FAM81A: variants seen among roughly 807,000 people sequenced by gnomAD.
FAM81A encodes the protein family with sequence similarity 81 member A.
Under a neutral mutation model 46.7 loss-of-function variants are expected in FAM81A, and 19 were observed. The ratio of observed to expected loss-of-function variants is 0.41; its 90% CI spans 0.28 to 0.60. FAM81A has a LOEUF of 0.60. Ranked by LOEUF, FAM81A falls within the 20% of genes least tolerant of loss-of-function variation. The pLI is 0.34. For synonymous variants in FAM81A, 183 were observed against 152.9 expected (o/e 1.20, Z -1.45); for missense variants, 377 against 453.5 (o/e 0.83, Z 1.53).
chr15:59,428,915 G>C (rs2081207785), intron 2 of FAM81A, among the ~76,000 whole-genome samples: 1 of 152,122 alleles, frequency 6.6e-6, no homozygotes, highest in Admixed American at 6.6e-5. Context: ...ACAGGCGTGA[G>C]CCACCACACC....
Position 59,505,695 on chromosome 15 carries a change from G to C in FAM81A, c.414-1518G>C, listed in dbSNP as rs921982225. 3.3e-5 allele frequency among the ~76,000 whole-genome samples: 5 copies of C among 152,090 alleles called. No homozygotes were observed. The East Asian group carries it at 7.7e-4, about 23-fold the overall frequency. On this transcript the variant is annotated intron_variant, in intron 4 of 8. Transcript: ENST00000288228. ...AAAGGGTTCTCCTCTTCTACCTTCT[G>C]AGTCTTGTATAAATGACTCTCACTG...
intron 2 of FAM81A, among the ~76,000 whole-genome samples, chr15:59,418,584 A>G (rs1397069436): frequency 6.6e-6 from 1 of 152,172 alleles, no homozygotes; most frequent in Non-Finnish European, 1.5e-5. Context: ...TAGTTCATGT[A>G]TTCAGCTATT....
intron 2 of FAM81A, among the ~76,000 whole-genome samples, chr15:59,420,263 T>A (rs1247686532): frequency 6.6e-6 from 1 of 152,222 alleles, no homozygotes; most frequent in Non-Finnish European, 1.5e-5. Flanking sequence ...CCCTGGTAAG[T>A]TTAAGTGACT....
At chr15:59,465,742 A>T (rs186176117) in intron 3 of FAM81A, among the ~76,000 whole-genome samples, 323 of 152,246 alleles carry the variant, frequency 2.1e-3, no homozygotes, top group Non-Finnish European at 3.7e-3. Flanking sequence ...CATGCGCACA[A>T]CGTGCAGGTT....
At chr15:59,512,162 T>C (rs2082217575) in intron 6 of FAM81A, among the ~76,000 whole-genome samples, 1 of 152,062 alleles carries the variant, frequency 6.6e-6, no homozygotes, top group Non-Finnish European at 1.5e-5. Context: ...CTTTAGTACG[T>C]TCCATTTGTA....
chr15:59,474,380 ATCTGG>A (rs2081739498), intron 3 of FAM81A, among the ~76,000 whole-genome samples: 1 of 152,204 alleles, frequency 6.6e-6, no homozygotes, highest in African/African-American at 2.4e-5. Flanking sequence ...GGCATTTGGC[ATCTGG>A]TGAGGGTCTT....
chr15:59,508,756 A>T, intron 5 of FAM81A, 107 bp from the exon 6 acceptor site: 1 of 698,244 alleles, frequency 1.4e-6, no homozygotes, highest in South Asian at 2.1e-5. Context: ...TTATCAAATT[A>T]GATAGAATCT....
At chr15:59,514,660 T>G (rs2082248369) in intron 7 of FAM81A, among the ~76,000 whole-genome samples, 1 of 152,228 alleles carries the variant, frequency 6.6e-6, no homozygotes, top group African/African-American at 2.4e-5. Context: ...TCAGTTAAGA[T>G]GAAGTTAAGC....
chr15:59,499,526 T>G (rs754149188), intron 4 of FAM81A, among the ~76,000 whole-genome samples: 1 of 152,238 alleles, frequency 6.6e-6, no homozygotes, highest in African/African-American at 2.4e-5. Flanking sequence ...GGATTCAAAT[T>G]ACTAACTGGG....
At chr15:59,503,167 G>A (rs904761349) in intron 4 of FAM81A, among the ~76,000 whole-genome samples, 7 of 150,146 alleles carry the variant, frequency 4.7e-5, no homozygotes, top group South Asian at 4.2e-4. Context: ...GCTTGAGCCC[G>A]GGAGGTTGCA....
chr15:59,474,668 C>T (rs532119229), intron 3 of FAM81A, among the ~76,000 whole-genome samples: 1 of 152,148 alleles, frequency 6.6e-6, no homozygotes, highest in South Asian at 2.1e-4. Flanking sequence ...GAATAAATGC[C>T]CAATACAGAG....
intron 3 of FAM81A, among the ~76,000 whole-genome samples, chr15:59,479,950 C>T (rs1255291673): frequency 3.3e-5 from 5 of 152,156 alleles, no homozygotes; most frequent in African/African-American, 7.2e-5. Flanking sequence ...AAAAAGATCA[C>T]GCTGGCTACT....
At chr15:59,501,305 T>C (rs1379563838) in intron 4 of FAM81A, among the ~76,000 whole-genome samples, 1 of 152,200 alleles carries the variant, frequency 6.6e-6, no homozygotes, top group African/African-American at 2.4e-5. Flanking sequence ...CCTGATATTT[T>C]ATTAGGTTAT....
chr15:59,502,485 C>CTGTGTGTGTGTGTG (rs71119478), intron 4 of FAM81A, among the ~76,000 whole-genome samples: 14 of 138,282 alleles, frequency 1.0e-4, no homozygotes, highest in East Asian at 4.3e-4. Context: ...GTTGACTTCA[C>CTGTGTGTGTGTGTG]TGTGTGTGTG....
chr15:59,452,008 A>G (rs1390983099), intron 1 of FAM81A, among the ~76,000 whole-genome samples: 1 of 152,240 alleles, frequency 6.6e-6, no homozygotes, highest in African/African-American at 2.4e-5. Flanking sequence ...CATGCAGCAT[A>G]GAGCCAAAGA....
intron 1 of FAM81A, among the ~76,000 whole-genome samples, chr15:59,400,989 G>A (rs1018305423): frequency 2.0e-5 from 3 of 152,218 alleles, no homozygotes; most frequent in Non-Finnish European, 4.4e-5. Context: ...TAAAGGGAAA[G>A]TGATCTTTTC....
chr15:59,466,789 T>C (rs1335438053), intron 3 of FAM81A, among the ~76,000 whole-genome samples: 1 of 152,232 alleles, frequency 6.6e-6, no homozygotes, highest in Non-Finnish European at 1.5e-5. Context: ...CCCATGCCTA[T>C]GTCCTGAATG....
intron 2 of FAM81A, chr15:59,407,291 C>CTTTTTTTTTT (rs3053043): frequency 3.3e-5 from 4 of 120,208 alleles, no homozygotes; most frequent in Non-Finnish European, 5.0e-5. Context: ...CTTTTCTTTC[C>CTTTTTTTTTT]TTTTTTTTTT....
intron 3 of FAM81A, among the ~76,000 whole-genome samples, chr15:59,471,925 A>T (rs1834465732): frequency 6.6e-6 from 1 of 152,152 alleles, no homozygotes; most frequent in African/African-American, 2.4e-5. Flanking sequence ...ACTTCTTATG[A>T]TGGTTAAAGA....
Sources: gnomAD v4.1 joint callset for allele counts (sites outside exome capture counted in the v4.1 genomes callset) on GRCh38, gnomAD v4.1.1 for gene constraint, MANE v1.5 for transcripts, NCBI Gene and HGNC (gene_info 2026-07-23, HGNC 2026-07-21) for gene names.